SLC30A9: variants seen among roughly 807,000 people sequenced by gnomAD.
The protein encoded by SLC30A9 is proton-coupled zinc antiporter SLC30A9, mitochondrial.
SLC30A9 carries 58 observed loss-of-function variants against 87.5 expected under a neutral mutation model. That is an observed-to-expected ratio of 0.66 (90% CI 0.54 to 0.82). The LOEUF (loss-of-function observed/expected upper bound fraction) is 0.82, where lower values mean the gene tolerates loss of function less well. SLC30A9 is among the 40% of genes least tolerant of loss of function. The pLI is 0.00. For synonymous variants in SLC30A9, 234 were observed against 233.0 expected (o/e 1.00, Z -0.04); for missense variants, 557 against 679.1 (o/e 0.82, Z 2.00).
At chr4:42,085,682 G>A (rs1295858931) in intron 17 of SLC30A9, among the ~76,000 whole-genome samples, 26 of 152,072 alleles carry the variant, frequency 1.7e-4, no homozygotes, top group African/African-American at 4.8e-5. Flanking sequence ...CACAGGGCCC[G>A]GCCCAAGAAT....
At chr4:42,038,849 A>T in intron 7 of SLC30A9, 137 bp from the exon 8 acceptor site, 1 of 590,032 alleles carries the variant, frequency 1.7e-6, no homozygotes, top group South Asian at 2.5e-5. Flanking sequence ...TCTAAACAAG[A>T]ACTTCTAGAG....
chr4:41,999,148 A>T (rs997585778), intron 1 of SLC30A9, among the ~76,000 whole-genome samples: 1 of 152,218 alleles, frequency 6.6e-6, no homozygotes, highest in African/African-American at 2.4e-5. Context: ...GTTTAAATTT[A>T]TGAAGTTGTA....
At chr4:42,059,361 G>T (rs1213792881) in intron 9 of SLC30A9, among the ~76,000 whole-genome samples, 1 of 152,048 alleles carries the variant, frequency 6.6e-6, no homozygotes, top group Non-Finnish European at 1.5e-5. Context: ...GGACTTACTA[G>T]GGACAAGCAT....
chr4:42,018,070 A>T (rs1248602112), intron 2 of SLC30A9, 41 bp from the exon 3 acceptor site: 2 of 1,058,390 alleles, frequency 1.9e-6, no homozygotes, highest in African/African-American at 3.2e-5. Flanking sequence ...GATTTATGAA[A>T]GCAGTTGTTT....
intron 2 of SLC30A9, among the ~76,000 whole-genome samples, chr4:42,008,620 G>A (rs886506126): frequency 2.6e-5 from 4 of 152,226 alleles, no homozygotes; most frequent in African/African-American, 9.6e-5. Context: ...CCACATGGGT[G>A]AGGGACAGGT....
chr4:42,001,690 A>G lies in SLC30A9; in HGVS notation c.184A>G (p.Ser62Gly). 1 of 1,609,260 alleles carries G rather than the reference A, an allele frequency of 6.2e-7. No homozygotes were observed. The highest frequency in any genetic ancestry group is 8.5e-7 in the Non-Finnish European group (1 of 1,175,964). Residue 62 changes from serine to glycine, a missense_variant, in exon 2 of 18, where the codon AGT (serine) becomes GGT (glycine). Coordinates refer to ENST00000264451, the MANE Select transcript of SLC30A9 (RefSeq NM_006345.4). ...PCSHPYIGTLSQVKLYSTNVQ... is the reference protein window; with the variant it reads ...PCSHPYIGTLGQVKLYSTNVQ... ...TAGTCATCCATATATTGGTACCCTG[A>G]GTCAAGTAAAGTTGTACTCCACAAA...
At chr4:42,034,668 C>T (rs1716604485) in intron 6 of SLC30A9, among the ~76,000 whole-genome samples, 1 of 152,168 alleles carries the variant, frequency 6.6e-6, no homozygotes, top group Non-Finnish European at 1.5e-5. Context: ...TTTATCCATT[C>T]ATTCATCCAT....
chr4:42,051,592 A>G (rs1717386304), intron 9 of SLC30A9, among the ~76,000 whole-genome samples: 1 of 152,216 alleles, frequency 6.6e-6, no homozygotes, highest in Non-Finnish European at 1.5e-5. Flanking sequence ...GAGCTAAAAA[A>G]ATATATCTGG....
At chr4:42,020,831 A>G (rs182369937) in intron 4 of SLC30A9, 8 of 199,668 alleles carry the variant, frequency 4.0e-5, no homozygotes, top group Admixed American at 1.2e-4. Flanking sequence ...AGAATTCTCA[A>G]TAAGATTATT....
chr4:42,060,925 T>C (rs570289329), intron 10 of SLC30A9, among the ~76,000 whole-genome samples: 15 of 152,330 alleles, frequency 9.8e-5, no homozygotes, highest in African/African-American at 3.1e-4. Flanking sequence ...CTTTCTTTAC[T>C]TGAAAGCAAT....
At chr4:42,005,883 G>A (rs1715180808) in intron 2 of SLC30A9, among the ~76,000 whole-genome samples, 2 of 152,154 alleles carry the variant, frequency 1.3e-5, no homozygotes, top group African/African-American at 4.8e-5. Context: ...ACTCAGAGTT[G>A]ATTACTAAAG....
At chr4:42,043,475 T>C (rs1185088659) in intron 8 of SLC30A9, among the ~76,000 whole-genome samples, 1 of 151,740 alleles carries the variant, frequency 6.6e-6, no homozygotes, top group African/African-American at 2.4e-5. Flanking sequence ...ATATAAGAGA[T>C]TGAAGATCAA....
At chr4:42,013,199 A>G (rs1848182) in intron 2 of SLC30A9, among the ~76,000 whole-genome samples, 98,482 of 151,972 alleles carry the variant, frequency 0.65, 36,040 homozygotes, top group East Asian at 0.96. Context: ...GGATCACTTG[A>G]GCCCAGGAGT....
chr4:42,060,810 A>G (rs1282413730), intron 10 of SLC30A9, among the ~76,000 whole-genome samples: 1 of 152,174 alleles, frequency 6.6e-6, no homozygotes, highest in East Asian at 1.9e-4. Context: ...TTCCACAAAC[A>G]TCATTTTAAG....
chr4:42,038,967 AGTTTTT>A lies in SLC30A9; in HGVS notation c.670-12_670-7del. On this transcript the variant is annotated splice_polypyrimidine_tract_variant and intron_variant, in intron 7 of 17. Transcript: ENST00000264451. ...GCAAAATTTTGGAGGTATTAAAAAA[AGTTTTT>A]GTTTTTTTACAGCCACGCTCCAGAA... 2 of 1,609,758 alleles carry A rather than the reference AGTTTTT, an allele frequency of 1.2e-6. No individual in the cohort carries two copies. The highest frequency in any genetic ancestry group is 1.7e-6 in the Non-Finnish European group (2 of 1,176,618).
intron 6 of SLC30A9, among the ~76,000 whole-genome samples, chr4:42,030,581 CTTTT>C (rs766917053): frequency 8.9e-4 from 124 of 139,050 alleles, no homozygotes; most frequent in Non-Finnish European, 1.0e-3. Context: ...CTGGCATGGT[CTTTT>C]TTTTTTTTTT....
intron 2 of SLC30A9, among the ~76,000 whole-genome samples, chr4:42,009,533 CAAAT>C (rs1276619456): frequency 6.6e-6 from 1 of 152,138 alleles, no homozygotes; most frequent in Non-Finnish European, 1.5e-5. Flanking sequence ...GAGCTTAAAA[CAAAT>C]GTCTAGCGAT....
chr4:42,007,822 T>TTAGAAAATCTC (rs1715279210), intron 2 of SLC30A9, among the ~76,000 whole-genome samples: 1 of 27,080 alleles, frequency 3.7e-5, no homozygotes, highest in South Asian at 4.3e-3. Context: ...CATTATCTCT[T>TTAGAAAATCTC]GTCTGATTTA....
At chr4:41,995,240 A>T (rs1364147666) in intron 1 of SLC30A9, among the ~76,000 whole-genome samples, 3 of 152,234 alleles carry the variant, frequency 2.0e-5, no homozygotes, top group African/African-American at 7.2e-5. Context: ...AGCCTGGGCA[A>T]CAAGAGCAAA....
Sources: gnomAD v4.1 joint callset for allele counts (sites outside exome capture counted in the v4.1 genomes callset) on GRCh38, gnomAD v4.1.1 for gene constraint, MANE v1.5 for transcripts, NCBI Gene and HGNC (gene_info 2026-07-23, HGNC 2026-07-21) for gene names.